Variants in C2orf81 observed in about 807,000 individuals in gnomAD.
The protein encoded by C2orf81 is chromosome 2 open reading frame 81.
A neutral mutation model predicts 7.9 loss-of-function variants in C2orf81; 5 were observed. That is an observed-to-expected ratio of 0.63 (90% CI 0.33 to 1.33). The LOEUF is 1.33. Among genes scored for constraint, C2orf81 ranks in the 40% most tolerant of loss-of-function variants. The pLI is 0.05. For synonymous variants in C2orf81, 346 were observed against 367.4 expected, an observed-to-expected ratio of 0.94 and a Z score of 0.66; for missense variants, 781 against 830.4, an observed-to-expected ratio of 0.94 and a Z score of 0.73.
chr2:74,418,671 G>A (rs1467397214), intron 1 of C2orf81: 3 of 537,574 alleles, frequency 5.6e-6, no homozygotes, highest in Admixed American at 6.6e-5. Context: ...GCACAGCCCC[G>A]GCTCAGGGGA....
intron 1 of C2orf81, chr2:74,417,310 A>G (rs1676493419): frequency 8.0e-7 from 1 of 1,256,108 alleles, no homozygotes; most frequent in African/African-American, 1.5e-5. Flanking sequence ...GCCAAGTGGT[A>G]GAAGCAAAGT....
intron 1 of C2orf81, chr2:74,416,626 G>A (rs1676478760): frequency 6.3e-6 from 1 of 158,738 alleles, no homozygotes; most frequent in Admixed American, 6.4e-5. Context: ...ACCGAAGTCT[G>A]ACAGAAGTTA....
chr2:74,416,906 C>A (rs1290636514), intron 1 of C2orf81, among the ~76,000 whole-genome samples: 1 of 152,154 alleles, frequency 6.6e-6, no homozygotes, highest in Non-Finnish European at 1.5e-5. Context: ...ATCATGGCTA[C>A]CCCTCCCTGA....
chr2:74,417,248 T>A, intron 1 of C2orf81: 3 of 503,522 alleles, frequency 6.0e-6, no homozygotes, highest in South Asian at 4.2e-5. Context: ...GGGCTGGGAG[T>A]GGGAAGGGTG....
rs528707720 is a variant in C2orf81, at chr2:74,415,445, G to A, written c.732C>T (p.Asp244=). The part of the protein sequence containing the change: ...AGPGGPVEEA[D]GQSRGLSSAG... ...CCGAGGAGAGGCCTCTAGACTGGCCGTCCGCTTCCTCTACAGGACCTCCGG... is the reference window on the plus strand; with the variant it reads ...CCGAGGAGAGGCCTCTAGACTGGCCATCCGCTTCCTCTACAGGACCTCCGG... Residue 244 remains aspartate, a synonymous_variant, in exon 3 of 3, where the codon GAC becomes GAT. Transcript: ENST00000684111. This position sits in a 1 kb window ranked among gnomAD's most constrained non-coding sequence, Gnocchi z 5.5. The A allele has an allele frequency of 1.8e-4, 282 of 1,534,190 alleles. No individual in the cohort carries two copies. The highest frequency in any genetic ancestry group is 2.3e-4 in the Non-Finnish European group (264 of 1,134,780).
Position 74,415,175 on chromosome 2 carries a change from G to A in C2orf81, c.1002C>T (p.Ser334=), listed in dbSNP as rs1481712516. The change falls in exon 3 of 3, where the codon TCC becomes TCT. Residue 334 remains serine (S), a synonymous_variant. Coordinates refer to ENST00000684111, the MANE Select transcript of C2orf81 (RefSeq NM_001316764.3). The surrounding 1 kb of genome is among the most constrained non-coding windows in gnomAD (Gnocchi z 5.5). ...GGGTGGCGCCGCCCACAGAGGGGTA[G>A]GACACCAACACGCCCGAGGCGATGC... ...VPCIASGVLV[S]YPSVGGATRP... 5 of 1,545,404 alleles carry A rather than the reference G, an allele frequency of 3.2e-6. No individual in the cohort carries two copies. In the Admixed American group the frequency reaches 9.9e-5, roughly 31 times the overall value.
intron 1 of C2orf81, 136 bp downstream of exon 1, chr2:74,421,407 T>C: frequency 8.6e-6 from 2 of 233,402 alleles, no homozygotes; most frequent in Non-Finnish European, 1.7e-5. Context: ...GTGGCTTCCT[T>C]GGTCATCTAA....
rs1346072773 is a variant in C2orf81, at chr2:74,416,042, T to A, written c.218A>T (p.Asp73Val). Residue 73 changes from aspartate to valine, a missense_variant, in exon 2 of 3, where the codon GAC becomes GTC. Physicochemically the swap from Asp to Val is radical, Grantham distance 152 (BLOSUM62 -3). Transcript: ENST00000684111. ...AGTCAGGTAGACTTTGAAAGCAGAG[T>A]CCATGACTCGAGCCAGCAAGTCGGC... is the stretch of plus-strand genomic sequence containing the variant. ...ILADLLARVMDSAFKVYLTQQ... is the reference protein window; with the variant it reads ...ILADLLARVMVSAFKVYLTQQ... The A allele has an allele frequency of 1.3e-6, 2 of 1,549,730 alleles. No individual in the cohort carries two copies. The highest frequency in any genetic ancestry group is 1.7e-6 in the Non-Finnish European group (2 of 1,146,706).
intron 1 of C2orf81, among the ~76,000 whole-genome samples, chr2:74,419,422 G>A (rs1233137996): frequency 6.6e-6 from 1 of 152,148 alleles, no homozygotes; most frequent in Non-Finnish European, 1.5e-5. Context: ...GACTGTAGAT[G>A]ACTAATAAAT....
Position 74,418,389 on chromosome 2 carries a change from C to CT in C2orf81, c.19-2149dup, listed in dbSNP as rs1032398240. The CT allele has an allele frequency of 8.2e-6, 13 of 1,591,506 alleles. No homozygotes were observed. The African/African-American group carries it at 1.3e-4, about 16-fold the overall frequency. On this transcript the variant is annotated intron_variant, in intron 1 of 2. Coordinates refer to ENST00000684111, the MANE Select transcript of C2orf81 (RefSeq NM_001316764.3). ...CACGGCCCCGCTTCTCAGTGCCGTC[C>CT]TTTTTCTGCTTGGAGGCCAAGGGCT...
Position 74,415,969 on chromosome 2 carries a change from G to C in C2orf81, c.249+42C>G, listed in dbSNP as rs754506234. ...GGATCTCAGGTCGGCAGGGAGGGGC[G>C]GGAGAGGGAGACGAGTCTGAAGGAC... On this transcript the variant is annotated intron_variant, in intron 2 of 2. Coordinates refer to ENST00000684111, the MANE Select transcript of C2orf81 (RefSeq NM_001316764.3). The surrounding 1 kb of genome is among the most constrained non-coding windows in gnomAD (Gnocchi z 5.5). 1 of 1,547,360 alleles carries C rather than the reference G, an allele frequency of 6.5e-7. No homozygotes were observed. Among genetic ancestry groups the C allele is most frequent in the Admixed American group, 2.0e-5 (1 of 50,918 alleles).
In C2orf81 at chr2:74,414,860, T is replaced by C. The variant is rs762983780; in HGVS notation, c.1317A>G (p.Pro439=). Residue 439 remains proline (P), a synonymous_variant, in exon 3 of 3, where the codon CCA becomes CCG. Transcript: ENST00000684111. This position sits in a 1 kb window ranked among gnomAD's most constrained non-coding sequence, Gnocchi z 5.3. ...AGTCCAAGTCACGGAAAGGAATGCC[T>C]GGCCGGAGAGGGAAGAACGCTGCCG... ...VSPAAFFPLR[P]GIPFRDLDSG... is the part of the protein sequence containing the mutation. The C allele has an allele frequency of 6.1e-5, 95 of 1,550,584 alleles. No homozygotes were observed. Among genetic ancestry groups the C allele is most frequent in the Non-Finnish European group, 8.2e-5 (94 of 1,146,328 alleles).
chr2:74,418,039 GT>G, intron 1 of C2orf81: 1 of 517,916 alleles, frequency 1.9e-6, no homozygotes, highest in Non-Finnish European at 3.6e-6. Context: ...GGAGGCGGTG[GT>G]GATGGTGGGT....
chr2:74,416,774 C>G (rs1558528962), intron 1 of C2orf81, among the ~76,000 whole-genome samples: 1 of 151,974 alleles, frequency 6.6e-6, no homozygotes, highest in Non-Finnish European at 1.5e-5. Context: ...AGTAAACAGT[C>G]CTGGAATTAT....
At chr2:74,417,772 C>G in intron 1 of C2orf81, 2 of 513,668 alleles carry the variant, frequency 3.9e-6, no homozygotes, top group South Asian at 1.7e-5. Flanking sequence ...AGAAGTGGCT[C>G]CCAAACCAAA....
chr2:74,415,391 C>T lies in C2orf81; in HGVS notation c.786G>A (p.Leu262=). ...SAGSLSASFQ[L]SVEEAPADDA... is the part of the protein sequence containing the mutation. ...CGTCGGCAGGCGCCTCCTCCACCGA[C>T]AGTTGGAAGCTCGCGCTCAAGGACC... The change falls in exon 3 of 3, where the codon CTG becomes CTA. Residue 262 remains leucine (L), a synonymous_variant. Coordinates refer to ENST00000684111, the MANE Select transcript of C2orf81 (RefSeq NM_001316764.3). This position sits in a 1 kb window ranked among gnomAD's most constrained non-coding sequence, Gnocchi z 5.5. 1 of 1,522,230 alleles carries T rather than the reference C, an allele frequency of 6.6e-7. No homozygotes were observed. The highest frequency in any genetic ancestry group is 8.9e-7 in the Non-Finnish European group (1 of 1,128,958). 94.3% of individuals were successfully genotyped at this position (1,522,230 alleles called of 1,614,324 possible). A position where few individuals can be genotyped will look rare whatever the true frequency, so the allele number is the denominator to read the frequency against.
At chr2:74,417,770 C>G in intron 1 of C2orf81, 1 of 508,274 alleles carries the variant, frequency 2.0e-6, no homozygotes, top group Non-Finnish European at 3.5e-6. Context: ...AGAGAAGTGG[C>G]TCCCAAACCA....
chr2:74,416,263 A>G (rs1428166798), intron 1 of C2orf81, 22 bp from the exon 2 acceptor site: 1 of 1,321,506 alleles, frequency 7.6e-7, no homozygotes, highest in Non-Finnish European at 9.9e-7. Context: ...AAACATGGCA[A>G]TCAGAGCAGG....
rs1676396090 is a variant in C2orf81 at position 74,414,830 on chromosome 2, G to A, written c.1347C>T (p.Gly449=). ...PGIPFRDLDS[G]PALLFPTLNL... ...TTAAAGTGGGGAACAGGAGTGCGGGGCCCGAGTCCAAGTCACGGAAAGGAA... is the reference window on the plus strand; with the variant it reads ...TTAAAGTGGGGAACAGGAGTGCGGGACCCGAGTCCAAGTCACGGAAAGGAA... Residue 449 remains glycine (G), a synonymous_variant, in exon 3 of 3, where the codon GGC becomes GGT. Coordinates refer to ENST00000684111, the MANE Select transcript of C2orf81 (RefSeq NM_001316764.3). The surrounding 1 kb of genome is among the most constrained non-coding windows in gnomAD (Gnocchi z 5.3). 6.4e-7 allele frequency: 1 copy of A among 1,551,438 alleles called. No individual in the cohort carries two copies. The highest frequency in any genetic ancestry group is 8.7e-7 in the Non-Finnish European group (1 of 1,146,768).
Sources: gnomAD v4.1 joint callset for allele counts (sites outside exome capture counted in the v4.1 genomes callset) on GRCh38, gnomAD v4.1.1 for gene constraint, Gnocchi (gnomAD v3.1) non-coding constraint, MANE v1.5 for transcripts, NCBI Gene and HGNC (gene_info 2026-07-23, HGNC 2026-07-21) for gene names.